The following MAGED1 variants were observed in gnomAD, a reference collection of about 807,000 sequenced individuals.
MAGED1 encodes MAGE family member D1.
MAGED1 carries 3 observed loss-of-function variants against 54.1 expected under a neutral mutation model. That is an observed-to-expected ratio of 0.06 (90% CI 0.03 to 0.14). MAGED1 has a LOEUF of 0.14. Among genes scored for constraint, MAGED1 ranks in the 10% least tolerant of loss-of-function variants. The pLI is 1.00. For synonymous variants in MAGED1, 217 were observed against 227.3 expected (o/e 0.95, Z 0.41); for missense variants, 485 against 623.4 (o/e 0.78, Z 2.36).
chrX:51,872,176 G>A (rs1398263992), intron 1 of MAGED1, among the ~76,000 whole-genome samples: 2 of 111,406 alleles, frequency 1.8e-5, no homozygotes, highest in African/African-American at 6.5e-5. Flanking sequence ...CTGGATATTA[G>A]CCCTTTGTCA....
Position 51,901,603 on chromosome X carries a change from A to G in MAGED1, c.2010A>G (p.Ala670=), listed in dbSNP as rs782702982. The change falls in exon 12 of 13, where the codon GCA becomes GCG. Residue 670 remains alanine, a synonymous_variant. Coordinates refer to ENST00000326587, the MANE Select transcript of MAGED1 (RefSeq NM_006986.4). ...GGACTGCACAGTTCATGGAGGCTGC[A>G]GATGAGGCCTTGGATGCTCTGGATG... ...RDWTAQFMEA[A]DEALDALDAA... is the part of the protein sequence containing the mutation. 1.7e-6 allele frequency: 2 copies of G among 1,204,969 alleles called. No homozygotes were observed. The highest frequency in any genetic ancestry group is 3.6e-5 in the South Asian group (2 of 55,261).
At position 51,896,600 on chromosome X, in the gene MAGED1, G is replaced by A. The variant is rs984651656; in HGVS notation, c.945G>A (p.Gln315=). The change falls in exon 4 of 13, where the codon CAG becomes CAA. Residue 315 remains glutamine, a synonymous_variant. Coordinates refer to ENST00000326587, the MANE Select transcript of MAGED1 (RefSeq NM_006986.4). ...PSGWQNQTAR[Q]TPPARQSPPA... ...GCTGGCAAAACCAGACAGCCAGGCA[G>A]ACCCCACCAGCACGTCAGAGCCCTC... 7 of 1,211,781 alleles carry A rather than the reference G, an allele frequency of 5.8e-6. No homozygotes were observed. The highest frequency in any genetic ancestry group is 7.8e-6 in the Non-Finnish European group (7 of 895,551).
intron 1 of MAGED1, among the ~76,000 whole-genome samples, chrX:51,886,648 AG>A (rs1397385993): frequency 1.8e-5 from 2 of 110,712 alleles, no homozygotes; most frequent in African/African-American, 6.6e-5. Flanking sequence ...ACAAAAAAAA[AG>A]AAAAAATCTC....
chrX:51,841,050 A>G (rs1557358486), intron 1 of MAGED1, among the ~76,000 whole-genome samples: 1 of 107,354 alleles, frequency 9.3e-6, no homozygotes, highest in Admixed American at 1.0e-4. Flanking sequence ...CAGTGCCACC[A>G]ACAGTGTAAA....
intron 1 of MAGED1, chrX:51,858,159 A>G (rs1007372047): frequency 5.3e-5 from 6 of 112,596 alleles, no homozygotes; most frequent in African/African-American, 1.9e-4. Context: ...CAATAATCAT[A>G]CAATGTAGAA....
At chrX:51,806,447 C>T (rs150679651) in intron 1 of MAGED1, among the ~76,000 whole-genome samples, 157 of 112,029 alleles carry the variant, frequency 1.4e-3, no homozygotes, top group African/African-American at 4.9e-3. Context: ...AAAAGTAACA[C>T]AGTTTGTGTT....
At chrX:51,883,945 C>T (rs1928152156) in intron 1 of MAGED1, among the ~76,000 whole-genome samples, 1 of 111,547 alleles carries the variant, frequency 9.0e-6, no homozygotes, top group African/African-American at 3.3e-5. Flanking sequence ...AGAAATTATT[C>T]AGTCTGAATG....
chrX:51,804,913 CTG>C (rs1557354902), intron 1 of MAGED1, among the ~76,000 whole-genome samples: 1 of 111,484 alleles, frequency 9.0e-6, no homozygotes, highest in Admixed American at 9.5e-5. Context: ...TTTGTTCACT[CTG>C]TTTCCTAACC....
chrX:51,806,246 A>G (rs1925029777), intron 1 of MAGED1, among the ~76,000 whole-genome samples: 1 of 111,201 alleles, frequency 9.0e-6, no homozygotes, highest in Non-Finnish European at 1.9e-5. Flanking sequence ...TGCTGGGATT[A>G]CAGGCGTGAG....
chrX:51,893,005 A>AG (rs1281251834), upstream of MAGED1, among the ~76,000 whole-genome samples: 4 of 110,517 alleles, frequency 3.6e-5, no homozygotes, highest in African/African-American at 1.3e-4. Flanking sequence ...ACACAAAATG[A>AG]GTCCATCACC....
intron 1 of MAGED1, among the ~76,000 whole-genome samples, chrX:51,879,435 TA>T (rs1367686632): frequency 1.8e-5 from 2 of 111,606 alleles, no homozygotes; most frequent in Non-Finnish European, 3.8e-5. Flanking sequence ...GATCTTTTCC[TA>T]TATGTAGAAA....
chrX:51,829,993 C>T (rs190753387), intron 1 of MAGED1, among the ~76,000 whole-genome samples: 20 of 111,114 alleles, frequency 1.8e-4, no homozygotes, highest in Admixed American at 1.6e-3. Context: ...TGCGGTATTA[C>T]GTGATATTGT....
At chrX:51,815,806 C>A (rs1300113886) in intron 1 of MAGED1, among the ~76,000 whole-genome samples, 1 of 111,165 alleles carries the variant, frequency 9.0e-6, no homozygotes, top group Non-Finnish European at 1.9e-5. Flanking sequence ...CAGATGTGAG[C>A]CACTGTGCCC....
intron 1 of MAGED1, among the ~76,000 whole-genome samples, chrX:51,840,679 G>A (rs1192563241): frequency 1.1e-4 from 12 of 107,956 alleles, no homozygotes; most frequent in African/African-American, 4.1e-4. Context: ...GTGAGAACAT[G>A]TGGTGTTTGG....
chrX:51,838,810 G>A (rs1413201864), intron 1 of MAGED1, among the ~76,000 whole-genome samples: 2 of 111,594 alleles, frequency 1.8e-5, no homozygotes, highest in Admixed American at 9.5e-5. Context: ...TCACACAGAC[G>A]ATAAAGCTGA....
chrX:51,863,199 A>G (rs782673091), intron 1 of MAGED1, among the ~76,000 whole-genome samples: 35 of 112,200 alleles, frequency 3.1e-4, no homozygotes, highest in Non-Finnish European at 4.3e-4. Context: ...GATTCAGCAT[A>G]TAAGTGAGAT....
At chrX:51,856,071 T>A (rs1176057519) in intron 1 of MAGED1, among the ~76,000 whole-genome samples, 1 of 112,456 alleles carries the variant, frequency 8.9e-6, no homozygotes, top group Admixed American at 9.4e-5. Context: ...CTTTTAAGAA[T>A]TCCCACTTGT....
intron 1 of MAGED1, among the ~76,000 whole-genome samples, chrX:51,813,292 G>T (rs995959458): frequency 1.8e-5 from 2 of 110,684 alleles, no homozygotes; most frequent in Non-Finnish European, 1.9e-5. Context: ...CAAAGTGCTG[G>T]GATTACAGGT....
At chrX:51,842,069 A>G (rs1926513625) in intron 1 of MAGED1, among the ~76,000 whole-genome samples, 1 of 112,220 alleles carries the variant, frequency 8.9e-6, no homozygotes, top group Admixed American at 9.5e-5. Context: ...GTCTTAATTG[A>G]TGATTTGTTA....
Sources: allele counts gnomAD v4.1 joint callset (sites outside exome capture counted in the v4.1 genomes callset), GRCh38; gene constraint gnomAD v4.1.1; transcripts MANE v1.5; gene names NCBI Gene and HGNC (gene_info 2026-07-23, HGNC 2026-07-21).